The following C9orf85 variants were observed in gnomAD, a reference collection of about 807,000 sequenced individuals.
C9orf85 encodes chromosome 9 open reading frame 85, also known as uncharacterized protein C9orf85.
Under a neutral mutation model 14.9 loss-of-function variants are expected in C9orf85, and 16 were observed. That is an observed-to-expected ratio of 1.08 (90% CI 0.73 to 1.63). The LOEUF is 1.63. Ranked by LOEUF, C9orf85 falls within the 40% of genes most tolerant of loss-of-function variation. C9orf85 has a pLI of 0.00. For missense variants in C9orf85, 172 were observed against 186.1 expected, an observed-to-expected ratio of 0.92 and a Z score of 0.44; for synonymous variants, 45 against 56.8, an observed-to-expected ratio of 0.79 and a Z score of 0.93.
rs753976839 is a variant in C9orf85 at position 71,971,614 on chromosome 9, A to T, written c.319A>T (p.Ile107Phe). 2.5e-6 allele frequency: 4 copies of T among 1,592,060 alleles called. No homozygotes were observed. In the South Asian group the frequency reaches 3.3e-5, roughly 13 times the overall value. The change falls in exon 3 of 4, where the codon ATT becomes TTT. Residue 107 changes from isoleucine to phenylalanine, a missense_variant. Physicochemically the swap from Ile to Phe is conservative, Grantham distance 21 (BLOSUM62 0). Coordinates refer to ENST00000334731, the MANE Select transcript of C9orf85 (RefSeq NM_182505.5). ...AKCGKKEDIV[I>F]PLNKETEKIE... ...ATGTGGAAAGAAAGAAGACATTGTT[A>T]TTCCGTGAGTGTTTCCTTTTATGTT... is the stretch of plus-strand genomic sequence containing the variant.
At chr9:71,984,611 A>G (rs780049710), downstream of C9orf85, 23 of 152,338 alleles carry the variant, frequency 1.5e-4, no homozygotes, top group Non-Finnish European at 1.5e-4. Context: ...GTGTCATTAC[A>G]GCATGCTTAG....
At chr9:71,979,354 C>G (rs539702257) in intron 3 of C9orf85, among the ~76,000 whole-genome samples, 1 of 152,264 alleles carries the variant, frequency 6.6e-6, no homozygotes, top group Middle Eastern at 3.4e-3. Context: ...ATGTAGAAAA[C>G]ACTTATCATA....
intron 1 of C9orf85, among the ~76,000 whole-genome samples, chr9:71,939,963 A>G (rs1377402340): frequency 6.6e-6 from 1 of 152,232 alleles, no homozygotes; most frequent in Non-Finnish European, 1.5e-5. Context: ...TGTAAAATGT[A>G]AAATTACTGA....
At chr9:71,978,230 C>T (rs1242661519), downstream of C9orf85, among the ~76,000 whole-genome samples, 1 of 152,172 alleles carries the variant, frequency 6.6e-6, no homozygotes, top group African/African-American at 2.4e-5. Context: ...TGGCTTCAGC[C>T]TCTCAAGTAG....
At chr9:71,950,992 TAAATC>T (rs1354758692) in intron 2 of C9orf85, among the ~76,000 whole-genome samples, 3 of 152,144 alleles carry the variant, frequency 2.0e-5, no homozygotes, top group African/African-American at 7.2e-5. Context: ...TGCCAAAAGT[TAAATC>T]AAAGAAAAAG....
chr9:71,937,317 C>T (rs753838154), intron 1 of C9orf85, among the ~76,000 whole-genome samples: 1 of 152,108 alleles, frequency 6.6e-6, no homozygotes, highest in African/African-American at 2.4e-5. Flanking sequence ...GTGAAAATCT[C>T]GGTAGTTTGC....
downstream of C9orf85, among the ~76,000 whole-genome samples, chr9:71,976,851 G>A (rs1319239234): frequency 6.6e-6 from 1 of 151,874 alleles, no homozygotes; most frequent in Non-Finnish European, 1.5e-5. Flanking sequence ...TAGTACCCCC[G>A]TTGTCCCGTT....
chr9:71,979,365 G>C (rs552733278), intron 3 of C9orf85, among the ~76,000 whole-genome samples: 2 of 152,342 alleles, frequency 1.3e-5, no homozygotes, highest in South Asian at 4.1e-4. Context: ...ACTTATCATA[G>C]TAGGGACTCT....
intron 2 of C9orf85, among the ~76,000 whole-genome samples, chr9:71,963,438 G>A (rs1238649949): frequency 1.3e-5 from 2 of 152,100 alleles, no homozygotes; most frequent in East Asian, 3.9e-4. Context: ...CCACTTTGGC[G>A]GCACTTGAGG....
chr9:71,977,294 T>C (rs552518813), downstream of C9orf85, among the ~76,000 whole-genome samples: 1 of 152,254 alleles, frequency 6.6e-6, no homozygotes, highest in South Asian at 2.1e-4. Context: ...ATTCTGTTAC[T>C]TTCAGTCAAA....
At position 71,947,016 on chromosome 9, in the gene C9orf85, C is replaced by G; in HGVS notation, c.113C>G (p.Ala38Gly). The change falls in exon 2 of 4, where the codon GCA becomes GGA. Residue 38 changes from alanine (A) to glycine (G), a missense_variant. Transcript: ENST00000334731. ...CTGTTTGTTTTTAAGAAAATTAATG[C>G]AAAACTTCATGATGGAGTATGTCAG... ...DKSVQTKKIN[A>G]KLHDGVCQRC... 1 of 1,610,522 alleles carries G rather than the reference C, an allele frequency of 6.2e-7. No individual in the cohort carries two copies. The highest frequency in any genetic ancestry group is 8.5e-7 in the Non-Finnish European group (1 of 1,177,992).
intron 1 of C9orf85, among the ~76,000 whole-genome samples, chr9:71,942,247 T>C (rs1821951959): frequency 1.3e-5 from 2 of 152,228 alleles, no homozygotes; most frequent in Non-Finnish European, 2.9e-5. Flanking sequence ...TGCTTTGTGT[T>C]GTAAGGACAT....
chr9:71,927,999 A>G (rs528439906), intron 1 of C9orf85, among the ~76,000 whole-genome samples: 11 of 152,228 alleles, frequency 7.2e-5, no homozygotes, highest in Admixed American at 7.2e-4. Flanking sequence ...CAGCCTGGCC[A>G]ACATGATGAA....
At chr9:71,953,086 C>T (rs1383717004) in intron 2 of C9orf85, among the ~76,000 whole-genome samples, 1 of 152,076 alleles carries the variant, frequency 6.6e-6, no homozygotes, top group African/African-American at 2.4e-5. Flanking sequence ...GTGCTACTGA[C>T]ACACAGTGTA....
intron 3 of C9orf85, among the ~76,000 whole-genome samples, chr9:71,981,970 AGCATT>A (rs535746068): frequency 4.1e-4 from 63 of 152,212 alleles, no homozygotes; most frequent in Non-Finnish European, 8.5e-4. Context: ...TAAATAGACA[AGCATT>A]GTGCATTTAT....
rs372770692 is a variant in C9orf85 at position 71,928,328 on chromosome 9, A to G, written c.102+16492A>G. On this transcript the variant is annotated intron_variant, in intron 1 of 3. Transcript: ENST00000334731. ...TCACTTTGAAGAAATCAGTTAGTTA[A>G]TTTCTTATTTTAAACACTATTTTAA... 9.9e-5 allele frequency among the ~76,000 whole-genome samples: 15 copies of G among 152,224 alleles called. 1 individual carries two copies. Among genetic ancestry groups the G allele is most frequent in the Admixed American group, 5.2e-4 (8 of 15,280 alleles).
At chr9:71,978,172 C>T (rs775040175), downstream of C9orf85, among the ~76,000 whole-genome samples, 32 of 152,148 alleles carry the variant, frequency 2.1e-4, no homozygotes, top group Admixed American at 9.8e-4. Flanking sequence ...TGCAGTGGCG[C>T]GATCTCAGCT....
downstream of C9orf85, among the ~76,000 whole-genome samples, chr9:71,974,950 G>C (rs2132370297): frequency 2.0e-5 from 3 of 152,170 alleles, no homozygotes; most frequent in Admixed American, 2.0e-4. Context: ...GGTGATATTA[G>C]GGAATAATTT....
intron 1 of C9orf85, among the ~76,000 whole-genome samples, chr9:71,931,947 T>A (rs1046859368): frequency 6.6e-6 from 1 of 152,174 alleles, no homozygotes; most frequent in Non-Finnish European, 1.5e-5. Flanking sequence ...GTTCTTAGAC[T>A]TTGGTGTGCT....
Sources: allele counts gnomAD v4.1 joint callset (sites outside exome capture counted in the v4.1 genomes callset), GRCh38; gene constraint gnomAD v4.1.1; transcripts MANE v1.5; gene names NCBI Gene and HGNC (gene_info 2026-07-23, HGNC 2026-07-21).